The following HRH1 variants were observed in gnomAD, a reference collection of about 807,000 sequenced individuals.
HRH1 encodes the protein histamine H1 receptor.
In HRH1, 6 loss-of-function variants were observed where a neutral mutation model predicts 10.3. The ratio of observed to expected loss-of-function variants is 0.58; its 90% CI spans 0.32 to 1.15. The LOEUF (loss-of-function observed/expected upper bound fraction) is 1.15, where lower values mean the gene tolerates loss of function less well. Ranked by LOEUF, HRH1 falls within the 50% of genes most tolerant of loss-of-function variation. The probability of loss-of-function intolerance (pLI) is 0.05; values close to 1 mark genes in which losing one functional copy is unlikely to be tolerated. For missense variants in HRH1, 514 were observed against 615.3 expected, an observed-to-expected ratio of 0.84 and a Z score of 1.74; for synonymous variants, 242 against 236.7, an observed-to-expected ratio of 1.02 and a Z score of -0.21.
At chr3:11,173,927 C>T (rs1937202358) in intron 1 of HRH1, among the ~76,000 whole-genome samples, 1 of 152,186 alleles carries the variant, frequency 6.6e-6, no homozygotes, top group African/African-American at 2.4e-5. Flanking sequence ...TTTCCTCTTC[C>T]CGCAAGACTG....
intron 1 of HRH1, among the ~76,000 whole-genome samples, chr3:11,169,210 C>G (rs937996711): frequency 6.6e-6 from 1 of 152,138 alleles, no homozygotes; most frequent in African/African-American, 2.4e-5. Context: ...ATACTGGGCT[C>G]CTTGCCTGGT....
At chr3:11,190,263 G>A (rs968271878) in intron 1 of HRH1, among the ~76,000 whole-genome samples, 2 of 152,012 alleles carry the variant, frequency 1.3e-5, no homozygotes, top group African/African-American at 4.8e-5. Context: ...TGTAATCCCA[G>A]AACTTTGAGA....
At chr3:11,169,139 T>C (rs1264360798) in intron 1 of HRH1, among the ~76,000 whole-genome samples, 4 of 152,226 alleles carry the variant, frequency 2.6e-5, no homozygotes, top group Non-Finnish European at 5.9e-5. Flanking sequence ...TGACTGGCTA[T>C]GTGACTCGGA....
At chr3:11,248,447 T>A (rs980345173) in intron 1 of HRH1, among the ~76,000 whole-genome samples, 1 of 152,096 alleles carries the variant, frequency 6.6e-6, no homozygotes, top group Non-Finnish European at 1.5e-5. Context: ...GAGGGACGTG[T>A]CTCTTTTTAC....
chr3:11,155,847 G>T (rs1342063483), intron 1 of HRH1, among the ~76,000 whole-genome samples: 1 of 152,218 alleles, frequency 6.6e-6, no homozygotes, highest in Non-Finnish European at 1.5e-5. Context: ...GTGTACACAT[G>T]AGAGCATCAT....
At position 11,203,235 on chromosome 3, in the gene HRH1, G is replaced by A. The variant is rs140413139; in HGVS notation, c.-36+48681G>A. 3.0e-3 allele frequency among the ~76,000 whole-genome samples: 454 copies of A among 152,222 alleles called. 2 individuals carry two copies. Among genetic ancestry groups the A allele is most frequent in the African/African-American group, 0.01 (432 of 41,480 alleles). On this transcript the variant is annotated intron_variant, in intron 1 of 1. Coordinates refer to ENST00000431010, the MANE Select transcript of HRH1 (RefSeq NM_001098212.2). ...TTTAAACACTCGTGCAGATTTTTGT[G>A]TAGACACAAGTTTTCAAGTCTTGGG...
chr3:11,163,259 T>C (rs55782049), intron 1 of HRH1, among the ~76,000 whole-genome samples: 28,327 of 152,072 alleles, frequency 0.19, 3,103 homozygotes, highest in East Asian at 0.3. Flanking sequence ...GCAGCCCCCT[T>C]CTATCCCCAG....
intron 1 of HRH1, among the ~76,000 whole-genome samples, chr3:11,205,832 T>C (rs1204242677): frequency 6.6e-6 from 1 of 151,962 alleles, no homozygotes; most frequent in African/African-American, 2.4e-5. Context: ...CAGTTAATTT[T>C]TGTATTTTTA....
intron 1 of HRH1, among the ~76,000 whole-genome samples, chr3:11,246,112 A>G (rs1939478251): frequency 6.6e-6 from 1 of 151,926 alleles, no homozygotes; most frequent in Non-Finnish European, 1.5e-5. Context: ...ACAAACACAC[A>G]TGCACATACA....
Position 11,262,312 on chromosome 3 carries a change from A to G in HRH1, c.*1811A>G, listed in dbSNP as rs1442034893. On this transcript the variant is annotated 3_prime_UTR_variant, in exon 2 of 2. Coordinates refer to ENST00000431010, the MANE Select transcript of HRH1 (RefSeq NM_001098212.2). ...AAAGCATACTCTATGTGATTTATTT[A>G]TTTCTACCTTTCTGAGTCTCTTGGA... is the stretch of plus-strand genomic sequence containing the variant. The G allele has an allele frequency of 1.0e-4, 17 of 167,030 alleles. No individual in the cohort carries two copies. The Admixed American group carries it at 1.1e-3, about 11-fold the overall frequency. The allele number at this position is 167,030 out of a possible 1,614,324, so 10.3% of individuals were successfully genotyped here. A position where few individuals can be genotyped will look rare whatever the true frequency, so the allele number is the denominator to read the frequency against.
intron 1 of HRH1, among the ~76,000 whole-genome samples, chr3:11,166,986 C>T (rs72494905): frequency 2.0e-5 from 3 of 148,364 alleles, no homozygotes; most frequent in Admixed American, 6.7e-5. Flanking sequence ...CTTCTCCAGG[C>T]GCATGACATC....
intron 1 of HRH1, among the ~76,000 whole-genome samples, chr3:11,210,812 A>G (rs1938303650): frequency 6.6e-6 from 1 of 151,008 alleles, no homozygotes; most frequent in South Asian, 2.1e-4. Context: ...AAAAAAAAAA[A>G]GCAGCTGTTG....
chr3:11,174,947 G>A (rs1038579836), intron 1 of HRH1, among the ~76,000 whole-genome samples: 2 of 152,192 alleles, frequency 1.3e-5, no homozygotes, highest in Non-Finnish European at 2.9e-5. Context: ...AATGGGTCCC[G>A]GATTCAGGCC....
intron 1 of HRH1, among the ~76,000 whole-genome samples, chr3:11,168,096 G>A (rs1937081944): frequency 6.6e-6 from 1 of 152,156 alleles, no homozygotes; most frequent in African/African-American, 2.4e-5. Flanking sequence ...GGCAATGTTC[G>A]AGTCAAGAGA....
intron 1 of HRH1, among the ~76,000 whole-genome samples, chr3:11,232,506 C>A (rs1229673247): frequency 2.0e-5 from 3 of 152,124 alleles, no homozygotes; most frequent in African/African-American, 7.2e-5. Flanking sequence ...TTTGCCAATA[C>A]CACAAAGTCT....
chr3:11,216,033 C>T (rs1274864075), intron 1 of HRH1, among the ~76,000 whole-genome samples: 5 of 152,124 alleles, frequency 3.3e-5, no homozygotes, highest in Non-Finnish European at 5.9e-5. Context: ...TCCCCTGTTA[C>T]TGGACTTGCA....
At chr3:11,249,979 T>C (rs1205174781) in intron 1 of HRH1, among the ~76,000 whole-genome samples, 1 of 151,106 alleles carries the variant, frequency 6.6e-6, no homozygotes, top group Non-Finnish European at 1.5e-5. Flanking sequence ...AATAATAAGA[T>C]GTGGGGTAGC....
At chr3:11,238,659 C>T (rs1400777844) in intron 1 of HRH1, among the ~76,000 whole-genome samples, 2 of 152,162 alleles carry the variant, frequency 1.3e-5, no homozygotes, top group Non-Finnish European at 2.9e-5. Flanking sequence ...AAGTTTAGAA[C>T]ATTTCTGTTT....
At position 11,260,065 on chromosome 3, in the gene HRH1, C is replaced by A; in HGVS notation, c.1028C>A (p.Ala343Asp). The change falls in exon 2 of 2, where the codon GCC becomes GAC. Residue 343 changes from alanine (A) to aspartate (D), a missense_variant. Coordinates refer to ENST00000431010, the MANE Select transcript of HRH1 (RefSeq NM_001098212.2). ...TDEQGLNTHG[A>D]SEISEDQMLG... Reference sequence around the variant, plus strand: ...GAGCAGGGCCTGAACACACATGGGGCCAGCGAGATATCAGAGGATCAGATG... The same window carrying A: ...GAGCAGGGCCTGAACACACATGGGGACAGCGAGATATCAGAGGATCAGATG... 6.2e-7 allele frequency: 1 copy of A among 1,614,048 alleles called. No individual in the cohort carries two copies. Among genetic ancestry groups the A allele is most frequent in the Non-Finnish European group, 8.5e-7 (1 of 1,180,008 alleles).
Sources: allele counts gnomAD v4.1 joint callset (sites outside exome capture counted in the v4.1 genomes callset), GRCh38; gene constraint gnomAD v4.1.1; transcripts MANE v1.5; gene names NCBI Gene and HGNC (gene_info 2026-07-23, HGNC 2026-07-21).